CIB2: variants seen among roughly 807,000 people sequenced by gnomAD.
CIB2 encodes calcium and integrin-binding family member 2.
In CIB2, 19 loss-of-function variants were observed where a neutral mutation model predicts 23.1. That is an observed-to-expected ratio of 0.82 (90% CI 0.57 to 1.21). The LOEUF (loss-of-function observed/expected upper bound fraction) is 1.21. CIB2 is among the 50% of genes most tolerant of loss of function. The pLI, the probability that CIB2 is intolerant of heterozygous loss-of-function variation, is 0.00. For synonymous variants in CIB2, 94 were observed against 91.7 expected (o/e 1.03, Z -0.14); for missense variants, 220 against 241.5 (o/e 0.91, Z 0.59).
chr15:78,126,140 G>GCCCCCCC (rs55741935), intron 1 of CIB2, among the ~76,000 whole-genome samples: 4 of 129,806 alleles, frequency 3.1e-5, no homozygotes, highest in Admixed American at 1.6e-4. Context: ...CCTTTCCCCT[G>GCCCCCCC]CCCCCCCCCC....
intron 2 of CIB2, among the ~76,000 whole-genome samples, chr15:78,121,184 A>G (rs2011323): frequency 0.28 from 42,230 of 152,150 alleles, 7,007 homozygotes; most frequent in Non-Finnish European, 0.38. Context: ...AGCAAACTCC[A>G]GGTAGCTCTT....
rs192374128 is a variant in CIB2 at position 78,105,689 on chromosome 15, G to A, written c.542+50C>T. On this transcript the variant is annotated intron_variant, in intron 5 of 5. Transcript: ENST00000258930. ...ATAGGGGCCTCAGCCCCAACATCCC[G>A]GCCTGCCCTGCTCTGCCCTGCCCAA... The A allele has an allele frequency of 2.6e-4, 426 of 1,611,722 alleles. 5 individuals are homozygous for A. The East Asian group carries it at 7.8e-3, about 29-fold the overall frequency.
chr15:78,124,360 G>A (rs2074356452), intron 1 of CIB2, among the ~76,000 whole-genome samples: 1 of 151,936 alleles, frequency 6.6e-6, no homozygotes, highest in African/African-American at 2.4e-5. Flanking sequence ...GGTAGCATCT[G>A]GGGTAGAGGT....
At chr15:78,109,200 C>CCT (rs1555425816) in intron 4 of CIB2, 35 bp downstream of exon 4, 6 of 1,159,078 alleles carry the variant, frequency 5.2e-6, no homozygotes, top group Non-Finnish European at 7.4e-6. Flanking sequence ...GTTCCCCCAC[C>CCT]GCATATTCAG....
chr15:78,113,486 G>A (rs1398184473), intron 2 of CIB2, among the ~76,000 whole-genome samples: 1 of 151,856 alleles, frequency 6.6e-6, no homozygotes, highest in Non-Finnish European at 1.5e-5. Context: ...CCCCAAATAA[G>A]GAACAACCAC....
intron 1 of CIB2, among the ~76,000 whole-genome samples, chr15:78,124,332 C>T (rs3784328): frequency 0.035 from 5,271 of 151,382 alleles, 134 homozygotes; most frequent in East Asian, 0.15. Flanking sequence ...GAGGGAGAAA[C>T]GTGGGCAGGG....
chr15:78,120,005 C>T (rs1364935694), intron 2 of CIB2, among the ~76,000 whole-genome samples: 1 of 151,512 alleles, frequency 6.6e-6, no homozygotes, highest in Non-Finnish European at 1.5e-5. Context: ...GGCTCCAGCA[C>T]TTCTCCCACC....
At position 78,111,240 on chromosome 15, in the gene CIB2, G is replaced by A. The variant is rs780117405; in HGVS notation, c.123C>T (p.Leu41=). 1.5e-5 allele frequency: 25 copies of A among 1,614,062 alleles called. No individual in the cohort carries two copies. Among genetic ancestry groups the A allele is most frequent in the African/African-American group, 2.7e-5 (2 of 74,926 alleles). The part of the protein sequence containing the change: ...HSRFYELAPN[L]VPMDYRKSPI... ...GGCTCTTCCTGTAGTCCATTGGGAC[G>A]AGGTTGGGGGCCAGCTCATAGAATC... The change falls in exon 3 of 6, where the codon CTC becomes CTT. Residue 41 remains leucine (L), a synonymous_variant. Transcript: ENST00000258930.
chr15:78,112,799 C>T (rs1455073458), intron 2 of CIB2, among the ~76,000 whole-genome samples: 1 of 152,312 alleles, frequency 6.6e-6, no homozygotes, highest in East Asian at 1.9e-4. Context: ...CCAGGCCCAC[C>T]TTTATCAAGC....
At chr15:78,109,807 CAAAA>C (rs61214041) in intron 3 of CIB2, among the ~76,000 whole-genome samples, 4 of 87,226 alleles carry the variant, frequency 4.6e-5, no homozygotes, top group Non-Finnish European at 6.5e-5. Flanking sequence ...ACCATGTCTC[CAAAA>C]AAAAAAAAAA....
intron 2 of CIB2, among the ~76,000 whole-genome samples, chr15:78,119,137 TA>T (rs77407973): frequency 0.03 from 4,171 of 138,608 alleles, 100 homozygotes; most frequent in African/African-American, 0.076. Context: ...ACACAGACTT[TA>T]AAAAAAAAAA....
rs548967461 is a variant in CIB2, at chr15:78,107,718, C to T, written c.346+1517G>A. On this transcript the variant is annotated intron_variant, in intron 4 of 5. Coordinates refer to ENST00000258930, the MANE Select transcript of CIB2 (RefSeq NM_006383.4). ...GGAGCAATGCTATGGGGTCCAAGACCGGGCGGATGTTGGGTGGAATCTGAG... is the reference window on the plus strand; with the variant it reads ...GGAGCAATGCTATGGGGTCCAAGACTGGGCGGATGTTGGGTGGAATCTGAG... Among the ~76,000 whole-genome samples, 8 of 152,316 alleles carry T rather than the reference C, an allele frequency of 5.3e-5. No homozygotes were observed. The East Asian group carries it at 7.7e-4, about 15-fold the overall frequency.
chr15:78,127,459 C>T (rs1314939054), intron 1 of CIB2, among the ~76,000 whole-genome samples: 1 of 152,170 alleles, frequency 6.6e-6, no homozygotes, highest in East Asian at 1.9e-4. Context: ...ACATTGGCAG[C>T]AGAAAACAGG....
rs760099758 is a variant in CIB2 at position 78,109,351 on chromosome 15, G to A, written c.230C>T (p.Ala77Val). 6 of 1,614,074 alleles carry A rather than the reference G, an allele frequency of 3.7e-6. 1 individual carries two copies. In the South Asian group the frequency reaches 4.4e-5, roughly 12 times the overall value. Residue 77 changes from alanine (A) to valine (V), a missense_variant, in exon 4 of 6, where the codon GCG becomes GTG. Ala to Val is a moderately conservative substitution (Grantham distance 64). Coordinates refer to ENST00000258930, the MANE Select transcript of CIB2 (RefSeq NM_006383.4). Reference protein sequence around the residue: ...ENPFKERIVAAFSEDGEGNLT... With the variant: ...ENPFKERIVAVFSEDGEGNLT... ...GTTCCCCTCACCATCCTCGGAAAAC[G>A]CCGCCACGATCCTTTCTTTGAAGGG...
intron 3 of CIB2, among the ~76,000 whole-genome samples, chr15:78,110,180 T>A (rs1382764755): frequency 6.6e-6 from 1 of 152,234 alleles, no homozygotes; most frequent in Non-Finnish European, 1.5e-5. Flanking sequence ...ACGGATGCCT[T>A]CCTAGATCCC....
At chr15:78,115,910 A>AT (rs1255160449) in intron 2 of CIB2, among the ~76,000 whole-genome samples, 1 of 151,780 alleles carries the variant, frequency 6.6e-6, no homozygotes, top group African/African-American at 2.4e-5. Context: ...ATTATATAAC[A>AT]TTTCTCCCCA....
intron 1 of CIB2, among the ~76,000 whole-genome samples, chr15:78,125,448 T>C (rs1449420805): frequency 2.0e-5 from 3 of 152,108 alleles, no homozygotes; most frequent in Non-Finnish European, 4.4e-5. Context: ...TTCTCTCTCC[T>C]ATCCCATGTG....
chr15:78,109,194 C>CA, intron 4 of CIB2, 41 bp downstream of exon 4: 5 of 1,268,876 alleles, frequency 3.9e-6, no homozygotes, highest in South Asian at 2.6e-5. Flanking sequence ...CCACATGTTC[C>CA]CCCACCGCAT....
At chr15:78,106,703 A>G (rs1446965662) in intron 4 of CIB2, among the ~76,000 whole-genome samples, 1 of 152,050 alleles carries the variant, frequency 6.6e-6, no homozygotes, top group Non-Finnish European at 1.5e-5. Flanking sequence ...CTTCCCAGCA[A>G]ACTCCTGGTC....
Sources: allele counts gnomAD v4.1 joint callset (sites outside exome capture counted in the v4.1 genomes callset), GRCh38; gene constraint gnomAD v4.1.1; transcripts MANE v1.5; gene names NCBI Gene and HGNC (gene_info 2026-07-23, HGNC 2026-07-21).